The following MYOM2 variants were observed in gnomAD, a reference collection of about 807,000 sequenced individuals.
The protein encoded by MYOM2 is myomesin-2.
MYOM2 carries 254 observed loss-of-function variants against 187.6 expected under a neutral mutation model. That is an observed-to-expected ratio of 1.35 (90% CI 1.22 to 1.50). The LOEUF (loss-of-function observed/expected upper bound fraction) is 1.50. Ranked by LOEUF, MYOM2 falls within the 40% of genes most tolerant of loss-of-function variation. The pLI is 0.00. For synonymous variants in MYOM2, 981 were observed against 753.8 expected, an observed-to-expected ratio of 1.30 and a Z score of -4.94; for missense variants, 2,796 against 1,924.0, an observed-to-expected ratio of 1.45 and a Z score of -8.48.
chr8:2,073,848 G>C (rs1049746082), intron 10 of MYOM2, among the ~76,000 whole-genome samples: 1 of 152,178 alleles, frequency 6.6e-6, no homozygotes, highest in South Asian at 2.1e-4. Flanking sequence ...ATGAAGAGGG[G>C]CACAGTGTTG....
At chr8:2,052,619 C>T (rs1243328190) in intron 3 of MYOM2, among the ~76,000 whole-genome samples, 2 of 152,232 alleles carry the variant, frequency 1.3e-5, no homozygotes, top group Non-Finnish European at 2.9e-5. Flanking sequence ...CATGTCCCAG[C>T]TGGGCTTAGA....
intron 17 of MYOM2, among the ~76,000 whole-genome samples, chr8:2,094,937 T>C (rs1352799834): frequency 2.0e-5 from 3 of 152,168 alleles, no homozygotes; most frequent in African/African-American, 4.8e-5. Flanking sequence ...TGTTTTCTCA[T>C]GAAATGCACC....
intron 14 of MYOM2, among the ~76,000 whole-genome samples, chr8:2,089,501 T>G (rs115169720): frequency 0.022 from 3,331 of 152,294 alleles, 125 homozygotes; most frequent in African/African-American, 0.077. Flanking sequence ...ATAATTTAAA[T>G]GGCCATGAGG....
chr8:2,080,903 T>C (rs1819599703), intron 13 of MYOM2, among the ~76,000 whole-genome samples: 1 of 143,456 alleles, frequency 7.0e-6, no homozygotes. Context: ...CCGTGCAGAA[T>C]GAGGTTGGTT....
At chr8:2,077,609 T>A (rs1054778934) in intron 11 of MYOM2, among the ~76,000 whole-genome samples, 30 of 152,278 alleles carry the variant, frequency 2.0e-4, no homozygotes, top group African/African-American at 7.0e-4. Context: ...ATTAAGCAAC[T>A]ACAGCAAGAA....
chr8:2,091,914 G>A (rs1289609234), intron 15 of MYOM2, among the ~76,000 whole-genome samples: 1 of 152,220 alleles, frequency 6.6e-6, no homozygotes, highest in Non-Finnish European at 1.5e-5. Context: ...GGATCTGATG[G>A]TTAGGTCATG....
chr8:2,130,324 C>T (rs190374859), intron 32 of MYOM2, among the ~76,000 whole-genome samples: 15 of 135,226 alleles, frequency 1.1e-4, no homozygotes, highest in Non-Finnish European at 2.0e-4. Flanking sequence ...CCCCTCACTA[C>T]GCTATACCCA....
rs142789224 is a variant in MYOM2 at position 2,082,656 on chromosome 8, A to G, written c.1517-2607A>G. Among the ~76,000 whole-genome samples the G allele has an allele frequency of 4.3e-3, 657 of 152,256 alleles. 6 individuals carry two copies. Among genetic ancestry groups the G allele is most frequent in the Non-Finnish European group, 3.4e-3 (233 of 68,022 alleles). ...TGCTCCGTTGAAAAATGGACACTGT[A>G]TTTTTGGAAAGGCCAGAATAGACCC... On this transcript the variant is annotated intron_variant, in intron 13 of 36. Coordinates refer to ENST00000262113, the MANE Select transcript of MYOM2 (RefSeq NM_003970.4).
chr8:2,133,633 G>C lies in MYOM2; in HGVS notation c.3800+4401G>C, dbSNP rs556034430. On this transcript the variant is annotated intron_variant, in intron 32 of 36. Coordinates refer to ENST00000262113, the MANE Select transcript of MYOM2 (RefSeq NM_003970.4). Reference sequence around the variant, plus strand: ...GCGCCACCATGCCTGGCTAATTTTTGTATATTTAGTAGAGATGGGGTTTCA... The same window carrying C: ...GCGCCACCATGCCTGGCTAATTTTTCTATATTTAGTAGAGATGGGGTTTCA... Among the ~76,000 whole-genome samples the C allele has an allele frequency of 3.9e-5, 6 of 152,208 alleles. No homozygotes were observed. In the East Asian group the frequency reaches 1.2e-3, roughly 29 times the overall value.
chr8:2,137,632 A>C (rs945158038), intron 32 of MYOM2, among the ~76,000 whole-genome samples: 2 of 152,112 alleles, frequency 1.3e-5, no homozygotes, highest in Non-Finnish European at 2.9e-5. Context: ...GAGGGTGACA[A>C]GATGACTAAG....
rs770864437 is a variant in MYOM2, at chr8:2,092,508, T to C, written c.1991T>C (p.Ile664Thr). ...NLWEPCNHKP[I>T]GYNRFVVHGL... ...TGGGAGCCCTGCAACCACAAGCCCA[T>C]CGGATACAACAGGTGCGGCCTCCCT... The change falls in exon 16 of 37, where the codon ATC (isoleucine) becomes ACC (threonine). Residue 664 changes from isoleucine (I) to threonine (T), a missense_variant. Coordinates refer to ENST00000262113, the MANE Select transcript of MYOM2 (RefSeq NM_003970.4). 1 of 1,613,924 alleles carries C rather than the reference T, an allele frequency of 6.2e-7. No individual in the cohort carries two copies. Among genetic ancestry groups the C allele is most frequent in the East Asian group, 2.2e-5 (1 of 44,852 alleles).
chr8:2,056,578 A>G (rs1258965381), intron 3 of MYOM2, among the ~76,000 whole-genome samples: 1 of 152,150 alleles, frequency 6.6e-6, no homozygotes, highest in African/African-American at 2.4e-5. Context: ...TATTATTATT[A>G]TTTTTAGTAT....
chr8:2,135,393 G>T (rs1451567290), intron 32 of MYOM2, among the ~76,000 whole-genome samples: 1 of 152,016 alleles, frequency 6.6e-6, no homozygotes, highest in African/African-American at 2.4e-5. Context: ...TTTGTTTTGG[G>T]TTCCCCTTGC....
At chr8:2,045,225 T>G (rs1353621632) in intron 1 of MYOM2, 57 bp downstream of exon 1, 2 of 152,282 alleles carry the variant, frequency 1.3e-5, no homozygotes, top group African/African-American at 4.8e-5. Flanking sequence ...GGAGGACCGG[T>G]AACTTCTGCA....
rs367862562 is a variant in MYOM2, at chr8:2,144,758, C to T, written c.4175C>T (p.Ser1392Leu). Residue 1392 changes from serine (S) to leucine (L), a missense_variant, in exon 37 of 37, where the codon TCG (serine) becomes TTG (leucine). Physicochemically the swap from Ser to Leu is moderately radical, Grantham distance 145. Coordinates refer to ENST00000262113, the MANE Select transcript of MYOM2 (RefSeq NM_003970.4). ...DQDIQLSEHF[S>L]VKVEQAKYVS... ...GACATCCAGCTCAGCGAGCACTTCT[C>T]GGTGAAGGTGGAGCAGGCCAAGTAC... 84 of 1,614,102 alleles carry T rather than the reference C, an allele frequency of 5.2e-5. No homozygotes were observed. In the African/African-American group the frequency reaches 6.9e-4, roughly 13 times the overall value.
chr8:2,109,557 G>A (rs1257009166), intron 25 of MYOM2, 26 bp downstream of exon 25: 1 of 1,584,538 alleles, frequency 6.3e-7, no homozygotes, highest in Non-Finnish European at 8.6e-7. Context: ...AGTGATCTCT[G>A]GCTTTGCAGG....
rs181683535 is a variant in MYOM2, at chr8:2,112,776, G to A, written c.3181-3184G>A. On this transcript the variant is annotated intron_variant, in intron 25 of 36. Transcript: ENST00000262113. ...GAAGAACATGTGAAAACAAATGCACGTGATTTATCAGAAGAAGGTTGCTGA... is the reference window on the plus strand; with the variant it reads ...GAAGAACATGTGAAAACAAATGCACATGATTTATCAGAAGAAGGTTGCTGA... Among the ~76,000 whole-genome samples the A allele has an allele frequency of 7.2e-4, 109 of 152,318 alleles. 1 individual carries two copies. The highest frequency in any genetic ancestry group is 1.2e-3 in the Admixed American group (19 of 15,302).
intron 20 of MYOM2, 81 bp downstream of exon 20, chr8:2,101,135 C>A: frequency 6.9e-7 from 1 of 1,454,050 alleles, no homozygotes; most frequent in South Asian, 1.2e-5. Context: ...CACTTGAGGT[C>A]AGGAGTTCGA....
chr8:2,079,998 A>G (rs1337007332), intron 13 of MYOM2, among the ~76,000 whole-genome samples: 1 of 152,222 alleles, frequency 6.6e-6, no homozygotes, highest in Non-Finnish European at 1.5e-5. Context: ...TTTTCTAAGC[A>G]AAAATTTTAT....
Sources: allele counts gnomAD v4.1 joint callset (sites outside exome capture counted in the v4.1 genomes callset), GRCh38; gene constraint gnomAD v4.1.1; transcripts MANE v1.5; gene names NCBI Gene and HGNC (gene_info 2026-07-23, HGNC 2026-07-21).